The following OSBP2 variants were observed in gnomAD, a reference collection of about 807,000 sequenced individuals.
OSBP2 encodes the protein oxysterol binding protein 2, also known as oxysterol-binding protein 2.
In OSBP2, 66 loss-of-function variants were observed where a neutral mutation model predicts 96.0. That is an observed-to-expected ratio of 0.69 (90% CI 0.56 to 0.84). The LOEUF (loss-of-function observed/expected upper bound fraction) is 0.84, where lower values mean the gene tolerates loss of function less well. OSBP2 is among the 40% of genes least tolerant of loss of function. The pLI is 0.00. For synonymous variants in OSBP2, 525 were observed against 520.9 expected (o/e 1.01, Z -0.11); for missense variants, 1,038 against 1,222.7 (o/e 0.85, Z 2.25).
intron 2 of OSBP2, among the ~76,000 whole-genome samples, chr22:30,804,650 G>A (rs760597129): frequency 3.3e-4 from 51 of 152,286 alleles, no homozygotes; most frequent in African/African-American, 2.6e-4. Flanking sequence ...AGGGAAGGTC[G>A]TAAGGGAAAA....
intron 1 of OSBP2, among the ~76,000 whole-genome samples, chr22:30,730,253 G>A (rs534603902): frequency 6.9e-4 from 105 of 152,230 alleles, no homozygotes; most frequent in Middle Eastern, 3.4e-3. Context: ...GCGAGCCACC[G>A]CACCCAGCCT....
At chr22:30,760,166 CTT>C (rs78673894) in intron 2 of OSBP2, among the ~76,000 whole-genome samples, 18 of 138,006 alleles carry the variant, frequency 1.3e-4, no homozygotes, top group Non-Finnish European at 1.1e-4. Context: ...CTGCACCCGG[CTT>C]TTTTTTTTTT....
intron 2 of OSBP2, among the ~76,000 whole-genome samples, chr22:30,836,065 T>G (rs1175995953): frequency 6.6e-6 from 1 of 152,154 alleles, no homozygotes; most frequent in African/African-American, 2.4e-5. Flanking sequence ...TCAGTGCTAT[T>G]TATTGAGCAG....
intron 2 of OSBP2, among the ~76,000 whole-genome samples, chr22:30,772,944 C>T (rs2090371706): frequency 6.6e-6 from 1 of 151,640 alleles, no homozygotes; most frequent in African/African-American, 2.4e-5. Context: ...AGGCCGCCTG[C>T]CACCATGCCC....
At chr22:30,736,498 G>T (rs1187384443) in intron 1 of OSBP2, among the ~76,000 whole-genome samples, 2 of 152,206 alleles carry the variant, frequency 1.3e-5, no homozygotes, top group African/African-American at 4.8e-5. Context: ...ACCCTGGGCA[G>T]ATGAGTTCAG....
At chr22:30,846,904 C>CT (rs1569148262) in intron 2 of OSBP2, among the ~76,000 whole-genome samples, 1 of 152,010 alleles carries the variant, frequency 6.6e-6, no homozygotes, top group South Asian at 2.1e-4. Context: ...CTGTTGTTTT[C>CT]TTTTTTTGTG....
intron 1 of OSBP2, among the ~76,000 whole-genome samples, chr22:30,702,042 C>A (rs117256040): frequency 2.2e-4 from 33 of 152,262 alleles, no homozygotes; most frequent in African/African-American, 6.7e-4. Context: ...CCTGCCTCCC[C>A]CTCCTAACTC....
At chr22:30,857,272 G>GC (rs1569152479) in intron 2 of OSBP2, among the ~76,000 whole-genome samples, 1 of 152,186 alleles carries the variant, frequency 6.6e-6, no homozygotes, top group African/African-American at 2.4e-5. Flanking sequence ...GCTTGTGTTA[G>GC]CAGCTGGGGC....
intron 2 of OSBP2, among the ~76,000 whole-genome samples, chr22:30,787,395 G>C (rs947557482): frequency 6.6e-6 from 1 of 151,986 alleles, no homozygotes; most frequent in Non-Finnish European, 1.5e-5. Flanking sequence ...GGTCGGGGCC[G>C]GATGCGGTGG....
intron 1 of OSBP2, among the ~76,000 whole-genome samples, chr22:30,704,855 C>A (rs2089225702): frequency 6.6e-6 from 1 of 152,152 alleles, no homozygotes; most frequent in African/African-American, 2.4e-5. Flanking sequence ...TTCAAGCTAC[C>A]AGACACTAGC....
Position 30,782,118 on chromosome 22 carries a change from C to T in OSBP2, c.853+40749C>T, listed in dbSNP as rs915749605. Among the ~76,000 whole-genome samples, 5 of 152,262 alleles carry T rather than the reference C, an allele frequency of 3.3e-5. No individual in the cohort carries two copies. The East Asian group carries it at 7.7e-4, about 24-fold the overall frequency. On this transcript the variant is annotated intron_variant, in intron 2 of 13. Transcript: ENST00000332585. Reference sequence around the variant, plus strand: ...CCGAGATTACGCCACTGCACTCCAGCCACGGCGGCAGAGTGAGACTCTGTC... The same window carrying T: ...CCGAGATTACGCCACTGCACTCCAGTCACGGCGGCAGAGTGAGACTCTGTC...
At chr22:30,744,510 C>A (rs2089975578) in intron 2 of OSBP2, among the ~76,000 whole-genome samples, 1 of 152,126 alleles carries the variant, frequency 6.6e-6, no homozygotes, top group South Asian at 2.1e-4. Flanking sequence ...TTTTGCCATG[C>A]CCTAATCCAA....
At chr22:30,838,876 T>C (rs1264939625) in intron 2 of OSBP2, among the ~76,000 whole-genome samples, 3 of 151,882 alleles carry the variant, frequency 2.0e-5, no homozygotes, top group Admixed American at 2.0e-4. Flanking sequence ...AGGGTACATG[T>C]GCACAATGTG....
At chr22:30,731,421 G>C (rs1244802645) in intron 1 of OSBP2, 1 of 152,404 alleles carries the variant, frequency 6.6e-6, no homozygotes, top group Non-Finnish European at 1.5e-5. Flanking sequence ...AGCCATCCGT[G>C]GAGGGAAGAG....
chr22:30,893,364 C>T, intron 9 of OSBP2, 99 bp from the exon 10 acceptor site: 1 of 1,533,714 alleles, frequency 6.5e-7, no homozygotes, highest in Non-Finnish European at 9.0e-7. Context: ...CCTGCCTCTT[C>T]AACCCCCCAG....
intron 3 of OSBP2, among the ~76,000 whole-genome samples, chr22:30,873,522 C>T (rs2039505948): frequency 1.3e-5 from 2 of 152,158 alleles, no homozygotes; most frequent in African/African-American, 2.4e-5. Context: ...AAATCATCAC[C>T]CCCAATCTCT....
chr22:30,827,443 G>T (rs2038427575), intron 2 of OSBP2, among the ~76,000 whole-genome samples: 1 of 152,152 alleles, frequency 6.6e-6, no homozygotes, highest in African/African-American at 2.4e-5. Context: ...AATTCTACTT[G>T]GTGTCTTAAA....
intron 12 of OSBP2, chr22:30,902,359 A>G: frequency 1.9e-6 from 3 of 1,581,746 alleles, no homozygotes; most frequent in Non-Finnish European, 2.6e-6. Context: ...TCTGCTATAT[A>G]GAATTCGATG....
chr22:30,897,894 G>A (rs1465319887), intron 12 of OSBP2, among the ~76,000 whole-genome samples: 2 of 151,234 alleles, frequency 1.3e-5, no homozygotes, highest in African/African-American at 2.4e-5. Flanking sequence ...AGGTGGCAGT[G>A]AGCTGAGATC....
Sources: gnomAD v4.1 joint callset for allele counts (sites outside exome capture counted in the v4.1 genomes callset) on GRCh38, gnomAD v4.1.1 for gene constraint, MANE v1.5 for transcripts, NCBI Gene and HGNC (gene_info 2026-07-23, HGNC 2026-07-21) for gene names.